Variants in LRCH1 observed in about 807,000 individuals in gnomAD.
The protein encoded by LRCH1 is leucine rich repeats and calponin homology domain containing 1, also known as leucine-rich repeat and calponin homology domain-containing protein 1.
LRCH1 carries 23 observed loss-of-function variants against 94.9 expected under a neutral mutation model. That is an observed-to-expected ratio of 0.24 (90% confidence interval 0.17 to 0.34). LRCH1 has a LOEUF of 0.34. Ranked by LOEUF, LRCH1 falls within the 10% of genes least tolerant of loss-of-function variation. The pLI is 1.00. For synonymous variants in LRCH1, 364 were observed against 354.9 expected (o/e 1.03, Z -0.29); for missense variants, 790 against 945.9 (o/e 0.84, Z 2.16).
chr13:46,621,578 T>TA (rs1365584137), intron 1 of LRCH1, among the ~76,000 whole-genome samples: 4 of 152,192 alleles, frequency 2.6e-5, no homozygotes, highest in Non-Finnish European at 5.9e-5. Context: ...AAAGCTTTGA[T>TA]AAAGTCTAGG....
chr13:46,647,411 T>C (rs1332848537), intron 1 of LRCH1, among the ~76,000 whole-genome samples: 2 of 152,178 alleles, frequency 1.3e-5, no homozygotes, highest in Non-Finnish European at 2.9e-5. Flanking sequence ...GAGCCATTCG[T>C]ATATCATTTT....
intron 1 of LRCH1, among the ~76,000 whole-genome samples, chr13:46,583,759 T>G (rs2050399132): frequency 6.8e-6 from 1 of 147,838 alleles, no homozygotes; most frequent in Non-Finnish European, 1.5e-5. Context: ...CTACGGAATT[T>G]TTCTATTTTT....
chr13:46,739,807 A>G (rs1320910694), intron 19 of LRCH1, among the ~76,000 whole-genome samples: 1 of 152,194 alleles, frequency 6.6e-6, no homozygotes, highest in Non-Finnish European at 1.5e-5. Context: ...ACTTTAATTA[A>G]GCCCAGAGTC....
At chr13:46,692,055 T>G (rs958816127) in intron 7 of LRCH1, among the ~76,000 whole-genome samples, 4 of 152,172 alleles carry the variant, frequency 2.6e-5, no homozygotes, top group African/African-American at 9.7e-5. Context: ...AGACCCTTCT[T>G]GAGGTATCCA....
At chr13:46,716,898 T>G (rs187338190) in intron 16 of LRCH1, among the ~76,000 whole-genome samples, 2 of 129,072 alleles carry the variant, frequency 1.5e-5, no homozygotes, top group Admixed American at 7.5e-5. Context: ...TTTTCTTTAC[T>G]TAAGTTTTTT....
chr13:46,674,149 AT>A (rs2051640214), intron 3 of LRCH1, among the ~76,000 whole-genome samples: 1 of 152,152 alleles, frequency 6.6e-6, no homozygotes, highest in Admixed American at 6.5e-5. Flanking sequence ...CCTTAAAAAA[AT>A]AAATAAATAA....
At chr13:46,696,889 T>A (rs1156668407) in intron 9 of LRCH1, among the ~76,000 whole-genome samples, 2 of 152,028 alleles carry the variant, frequency 1.3e-5, no homozygotes, top group Non-Finnish European at 2.9e-5. Flanking sequence ...GGCAACATAC[T>A]AAGATTCCAT....
At chr13:46,668,825 A>ATTTTTTAT (rs1555280396) in intron 2 of LRCH1, among the ~76,000 whole-genome samples, 1 of 90,486 alleles carries the variant, frequency 1.1e-5, no homozygotes, top group South Asian at 4.0e-4. Flanking sequence ...TTTATTTTTT[A>ATTTTTTAT]TTTTTTTTTA....
chr13:46,713,577 G>C (rs946913906), intron 15 of LRCH1, among the ~76,000 whole-genome samples: 1 of 152,232 alleles, frequency 6.6e-6, no homozygotes, highest in Non-Finnish European at 1.5e-5. Flanking sequence ...TTTCCTGGCA[G>C]TTTGAATGGG....
At chr13:46,638,678 G>A (rs2138059220) in intron 1 of LRCH1, among the ~76,000 whole-genome samples, 1 of 152,126 alleles carries the variant, frequency 6.6e-6, no homozygotes, top group Non-Finnish European at 1.5e-5. Context: ...TCTGTTAGAG[G>A]GACAATAATT....
chr13:46,684,465 T>C (rs1049839518), intron 4 of LRCH1, among the ~76,000 whole-genome samples: 9 of 152,222 alleles, frequency 5.9e-5, no homozygotes, highest in African/African-American at 2.2e-4. Context: ...CCCTCTAGTC[T>C]TGCTTTGAAG....
At chr13:46,583,785 G>T (rs554138939) in intron 1 of LRCH1, among the ~76,000 whole-genome samples, 1 of 147,902 alleles carries the variant, frequency 6.8e-6, no homozygotes, top group South Asian at 2.1e-4. Flanking sequence ...TTTTGAGACA[G>T]TGTGTCACTG....
At chr13:46,670,627 G>A (rs193029072) in intron 3 of LRCH1, among the ~76,000 whole-genome samples, 45 of 150,720 alleles carry the variant, frequency 3.0e-4, no homozygotes, top group Middle Eastern at 6.8e-3. Flanking sequence ...AAAGAAGACA[G>A]ATATTAATTT....
intron 3 of LRCH1, among the ~76,000 whole-genome samples, chr13:46,671,231 A>C: frequency 6.6e-6 from 1 of 152,202 alleles, no homozygotes. Context: ...CACTTTGTCC[A>C]AAAAGCCTTC....
intron 1 of LRCH1, among the ~76,000 whole-genome samples, chr13:46,580,689 T>A (rs2050355164): frequency 6.6e-6 from 1 of 152,234 alleles, no homozygotes; most frequent in African/African-American, 2.4e-5. Flanking sequence ...TGTAGATTAA[T>A]TAGCAAAGAC....
chr13:46,698,854 A>G (rs1480134247), intron 9 of LRCH1, among the ~76,000 whole-genome samples: 3 of 152,206 alleles, frequency 2.0e-5, no homozygotes, highest in Non-Finnish European at 1.5e-5. Context: ...ATGTACATGT[A>G]GTTCAGAGTG....
At position 46,553,180 on chromosome 13, in the gene LRCH1, G is replaced by T; in HGVS notation, c.-217G>T. On this transcript the variant is annotated 5_prime_UTR_variant, in exon 1 of 20. Coordinates refer to ENST00000389797, the MANE Select transcript of LRCH1 (RefSeq NM_001164211.2). ...GCCGCCGCCGCCGCCGCAGTCCTTAGCTTCCCGGGGACAGGAAACCTTCAA... is the reference window on the plus strand; with the variant it reads ...GCCGCCGCCGCCGCCGCAGTCCTTATCTTCCCGGGGACAGGAAACCTTCAA... The T allele has an allele frequency of 1.8e-6, 1 of 570,920 alleles. No individual in the cohort carries two copies. Among genetic ancestry groups the T allele is most frequent in the Non-Finnish European group, 3.0e-6 (1 of 328,562 alleles). 35.4% of individuals were successfully genotyped at this position (570,920 alleles called of 1,614,324 possible). A position where few individuals can be genotyped will look rare whatever the true frequency, so the allele number is the denominator to read the frequency against.
chr13:46,750,594 G>A (rs1399810417), exon 19 of LRCH1: 1 of 1,551,970 alleles, frequency 6.4e-7, no homozygotes, highest in South Asian at 1.2e-5. Context: ...GGTCAAAGTG[G>A]GCATTACCAT....
At chr13:46,670,654 T>TCCG (rs112062890) in intron 3 of LRCH1, among the ~76,000 whole-genome samples, 2 of 144,586 alleles carry the variant, frequency 1.4e-5, no homozygotes, top group Non-Finnish European at 3.0e-5. Context: ...ACACTGCCCA[T>TCCG]CCCCCCCCAA....
Sources: gnomAD v4.1 joint callset for allele counts (sites outside exome capture counted in the v4.1 genomes callset) on GRCh38, gnomAD v4.1.1 for gene constraint, MANE v1.5 for transcripts, NCBI Gene and HGNC (gene_info 2026-07-23, HGNC 2026-07-21) for gene names.